The following MED15 variants were observed in gnomAD, a reference collection of about 807,000 sequenced individuals.
MED15 encodes the protein mediator complex subunit 15, also known as mediator of RNA polymerase II transcription subunit 15.
In MED15, 41 loss-of-function variants were observed where a neutral mutation model predicts 118.7. That is an observed-to-expected ratio of 0.35 (90% CI 0.27 to 0.45). The LOEUF (loss-of-function observed/expected upper bound fraction) is 0.45. Ranked by LOEUF, MED15 falls within the 20% of genes least tolerant of loss-of-function variation. MED15 has a pLI of 1.00. For missense variants in MED15, 740 were observed against 1,025.5 expected, an observed-to-expected ratio of 0.72 and a Z score of 3.80; for synonymous variants, 436 against 413.9, an observed-to-expected ratio of 1.05 and a Z score of -0.65.
In MED15 at chr22:20,541,949, A is replaced by T. The variant is rs569210943; in HGVS notation, c.156+4745A>T. On this transcript the variant is annotated intron_variant, in intron 2 of 17. Transcript: ENST00000263205. ...AGGTGTGAGCCGCTGCACCCAGCCA[A>T]TGCCCGGCTAACTTTTGTATTTTTA... Among the ~76,000 whole-genome samples, 94 of 152,224 alleles carry T rather than the reference A, an allele frequency of 6.2e-4. 1 individual carries two copies. Among genetic ancestry groups the T allele is most frequent in the African/African-American group, 2.0e-3 (82 of 41,552 alleles).
intron 2 of MED15, among the ~76,000 whole-genome samples, chr22:20,541,899 A>C (rs1221076329): frequency 1.3e-5 from 2 of 152,006 alleles, no homozygotes; most frequent in Non-Finnish European, 2.9e-5. Context: ...CCACCCACCT[A>C]GGCCTCCCAA....
At chr22:20,559,507 G>A (rs887341356) in intron 5 of MED15, among the ~76,000 whole-genome samples, 1 of 152,194 alleles carries the variant, frequency 6.6e-6, no homozygotes. Flanking sequence ...AAAACAATAT[G>A]TGAGGGGATA....
At chr22:20,508,432 A>G (rs1320237767) in intron 1 of MED15, 2 of 1,301,294 alleles carry the variant, frequency 1.5e-6, no homozygotes, top group Non-Finnish European at 1.0e-6. Flanking sequence ...AGAGACCACC[A>G]AACAGGCTTT....
At chr22:20,552,284 T>C (rs2055809954) in intron 3 of MED15, among the ~76,000 whole-genome samples, 1 of 152,216 alleles carries the variant, frequency 6.6e-6, no homozygotes, top group Non-Finnish European at 1.5e-5. Context: ...CCTATTTCTA[T>C]TCCCCTGTGG....
chr22:20,568,513 C>G lies in MED15; in HGVS notation c.1042-8C>G, dbSNP rs1295907587. On this transcript the variant is annotated splice_region_variant and splice_polypyrimidine_tract_variant and intron_variant, in intron 7 of 17. Coordinates refer to ENST00000263205, the MANE Select transcript of MED15 (RefSeq NM_001003891.3). ...GTTCCAAATCACATTCTCTCTTTCT[C>G]CCTCAAGGTCCGAGCTCCGATGGTG... 3 of 1,613,148 alleles carry G rather than the reference C, an allele frequency of 1.9e-6. No homozygotes were observed. Among genetic ancestry groups the G allele is most frequent in the Non-Finnish European group, 2.5e-6 (3 of 1,179,844 alleles).
intron 6 of MED15, among the ~76,000 whole-genome samples, chr22:20,566,029 CCTTTTTTTTTTTTTTTTTTTTGAGA>C (rs1423216228): frequency 8.0e-6 from 1 of 124,578 alleles, no homozygotes; most frequent in African/African-American, 3.4e-5. Context: ...CCCAGGAAGG[CCTTTTTTTTTTTTTTTTTTTTGAGA>C]CTTTTTTTTG....
At chr22:20,523,761 C>G (rs2054540086) in intron 1 of MED15, 1 of 985,318 alleles carries the variant, frequency 1.0e-6, no homozygotes. Context: ...AGAAGTCAAA[C>G]CAACAGATTG....
At chr22:20,551,393 C>T in intron 2 of MED15, 43 bp from the exon 3 acceptor site, 1 of 1,583,160 alleles carries the variant, frequency 6.3e-7, no homozygotes, top group Non-Finnish European at 8.7e-7. Flanking sequence ...GATGACTGCG[C>T]TTCTTCATCT....
chr22:20,564,432 A>T lies in MED15; in HGVS notation c.452-18A>T, dbSNP rs1215255389. The stretch of plus-strand genomic sequence containing the variant: ...AATCTGCCCTGTGGACTGACTGGCG[A>T]CTCTGGTCTTTTCTCAGCCCAGCTG... On this transcript the variant is annotated intron_variant, in intron 5 of 17. Coordinates refer to ENST00000263205, the MANE Select transcript of MED15 (RefSeq NM_001003891.3). 4 of 1,613,108 alleles carry T rather than the reference A, an allele frequency of 2.5e-6. No individual in the cohort carries two copies. The African/African-American group carries it at 5.3e-5, about 22-fold the overall frequency.
intron 2 of MED15, among the ~76,000 whole-genome samples, chr22:20,539,130 G>C (rs892642703): frequency 2.0e-5 from 3 of 151,070 alleles, no homozygotes; most frequent in Middle Eastern, 3.5e-3. Flanking sequence ...ATGGAGTCTC[G>C]CTCTGTCACC....
intron 2 of MED15, among the ~76,000 whole-genome samples, chr22:20,546,175 C>T (rs2055527924): frequency 6.6e-6 from 1 of 152,218 alleles, no homozygotes; most frequent in South Asian, 2.1e-4. Context: ...GGTGAAGGAG[C>T]AGCCCAGCTG....
At chr22:20,576,363 C>T (rs905743760) in intron 9 of MED15, among the ~76,000 whole-genome samples, 5 of 152,238 alleles carry the variant, frequency 3.3e-5, no homozygotes, top group African/African-American at 7.2e-5. Flanking sequence ...TGTGCAGTGG[C>T]GTCTCTGCAG....
At chr22:20,547,955 G>A (rs963795776) in intron 2 of MED15, among the ~76,000 whole-genome samples, 7 of 152,130 alleles carry the variant, frequency 4.6e-5, no homozygotes, top group South Asian at 2.1e-4. Flanking sequence ...AGCGATGATC[G>A]CGTCACTGCA....
chr22:20,510,082 G>A lies in MED15; in HGVS notation c.68+2336G>A, dbSNP rs112879549. Reference sequence around the variant, plus strand: ...GCTCTAACAAATTACCACAAGTTTAGCATCTTAAAACAACACACCTTTAGC... The same window carrying A: ...GCTCTAACAAATTACCACAAGTTTAACATCTTAAAACAACACACCTTTAGC... On this transcript the variant is annotated intron_variant, in intron 1 of 17. Coordinates refer to ENST00000263205, the MANE Select transcript of MED15 (RefSeq NM_001003891.3). 8.0e-3 allele frequency among the ~76,000 whole-genome samples: 1,211 copies of A among 152,192 alleles called. 8 individuals carry two copies. Among genetic ancestry groups the A allele is most frequent in the Non-Finnish European group, 0.014 (937 of 68,012 alleles).
chr22:20,578,724 G>A (rs1424885017), intron 9 of MED15, among the ~76,000 whole-genome samples: 1 of 152,214 alleles, frequency 6.6e-6, no homozygotes, highest in African/African-American at 2.4e-5. Context: ...GCCACTCTGT[G>A]GCCACTGTCC....
At position 20,569,252 on chromosome 22, in the gene MED15, C is replaced by T. The variant is rs112366893; in HGVS notation, c.1152+621C>T. Among the ~76,000 whole-genome samples the T allele has an allele frequency of 6.3e-4, 96 of 152,216 alleles. 4 individuals are homozygous for T. Among genetic ancestry groups the T allele is most frequent in the African/African-American group, 2.3e-3 (95 of 41,532 alleles). ...CTCCTAGTGTCCTGGGATTGGAGGC[C>T]CAGGGTTTCTGTACCTTTTCCTATA... On this transcript the variant is annotated intron_variant, in intron 8 of 17. Coordinates refer to ENST00000263205, the MANE Select transcript of MED15 (RefSeq NM_001003891.3).
rs1308831510 is a variant in MED15 at position 20,566,690 on chromosome 22, C to T, written c.914C>T (p.Pro305Leu). ...CAGCACCACCAGCCGCCACCACAGC[C>T]CCAGCAGCCTCCAGTTGCTCAGAAC... Reference protein sequence around the residue: ...HTQHHQPPPQPQQPPVAQNQP... With the variant: ...HTQHHQPPPQLQQPPVAQNQP... The change falls in exon 7 of 18, where the codon CCC becomes CTC. Residue 305 changes from proline to leucine, a missense_variant. Around this residue, in one of 7 missense-constraint regions of MED15, gnomAD observed 384 missense variants for 506.3 expected, o/e 0.76. Transcript: ENST00000263205. The T allele has an allele frequency of 6.2e-7, 1 of 1,614,178 alleles. No homozygotes were observed. Among genetic ancestry groups the T allele is most frequent in the South Asian group, 1.1e-5 (1 of 91,084 alleles).
At chr22:20,585,423 C>T (rs1350742677) in intron 16 of MED15, 156 bp downstream of exon 16, 2 of 1,035,256 alleles carry the variant, frequency 1.9e-6, no homozygotes, top group East Asian at 5.2e-5. Flanking sequence ...CACCGGGCTC[C>T]AGACAGCCTG....
chr22:20,568,417 C>A, intron 7 of MED15, 104 bp from the exon 8 acceptor site: 1 of 1,497,168 alleles, frequency 6.7e-7, no homozygotes. Flanking sequence ...AAGTCCCATT[C>A]CTCACCTCAA....
Sources: allele counts gnomAD v4.1 joint callset (sites outside exome capture counted in the v4.1 genomes callset), GRCh38; gene constraint gnomAD v4.1.1; regional missense constraint gnomAD v4.1.1; transcripts MANE v1.5; gene names NCBI Gene and HGNC (gene_info 2026-07-23, HGNC 2026-07-21).